The following PCDH9 variants were observed in gnomAD, a reference collection of about 807,000 sequenced individuals.
PCDH9 encodes protocadherin 9, also known as protocadherin-9.
Under a neutral mutation model 70.6 loss-of-function variants are expected in PCDH9, and 24 were observed. The observed-to-expected ratio is 0.34, with a 90% CI of 0.25 to 0.48. The LOEUF is 0.48. Among genes scored for constraint, PCDH9 ranks in the 20% least tolerant of loss-of-function variants. PCDH9 has a pLI of 0.99. For missense variants in PCDH9, 1,281 were observed against 1,503.6 expected (o/e 0.85, Z 2.45); for synonymous variants, 562 against 558.5 (o/e 1.01, Z -0.09).
At chr13:67,180,555 T>A (rs2138480485) in intron 2 of PCDH9, among the ~76,000 whole-genome samples, 1 of 152,244 alleles carries the variant, frequency 6.6e-6, no homozygotes. Context: ...TCACTTTTTG[T>A]TATTGATTTT....
intron 4 of PCDH9, among the ~76,000 whole-genome samples, chr13:66,390,412 A>G (rs1956997126): frequency 6.6e-6 from 1 of 152,136 alleles, no homozygotes; most frequent in Non-Finnish European, 1.5e-5. Context: ...CGACAGCCAT[A>G]AATGGATAGG....
At chr13:66,589,062 G>C (rs904507793) in intron 4 of PCDH9, among the ~76,000 whole-genome samples, 4 of 151,912 alleles carry the variant, frequency 2.6e-5, no homozygotes, top group Non-Finnish European at 4.4e-5. Context: ...TGTTGCTTTA[G>C]TCGTTGGTTA....
intron 4 of PCDH9, among the ~76,000 whole-genome samples, chr13:66,448,523 G>C (rs886341718): frequency 3.3e-5 from 5 of 152,272 alleles, no homozygotes; most frequent in Admixed American, 2.0e-4. Context: ...TATGAGGACA[G>C]GTCAAAATCT....
intron 2 of PCDH9, among the ~76,000 whole-genome samples, chr13:66,931,701 G>A (rs1159626189): frequency 6.6e-6 from 1 of 152,170 alleles, no homozygotes; most frequent in African/African-American, 2.4e-5. Context: ...TTTATCCGTA[G>A]GTTGCCTGTG....
intron 4 of PCDH9, among the ~76,000 whole-genome samples, chr13:66,563,074 T>C (rs2076600167): frequency 6.6e-6 from 1 of 152,190 alleles, no homozygotes; most frequent in African/African-American, 2.4e-5. Context: ...TGGGTTTTGC[T>C]GGACACCATT....
intron 4 of PCDH9, among the ~76,000 whole-genome samples, chr13:66,467,851 C>A (rs551674127): frequency 6.6e-6 from 1 of 152,020 alleles, no homozygotes; most frequent in South Asian, 2.1e-4. Context: ...TTTTTATTTT[C>A]TATTCACTTA....
At chr13:66,722,155 C>T (rs976426597) in intron 3 of PCDH9, among the ~76,000 whole-genome samples, 2 of 152,088 alleles carry the variant, frequency 1.3e-5, no homozygotes, top group African/African-American at 4.8e-5. Flanking sequence ...TGTGAATGGC[C>T]TCATAATATT....
At chr13:66,730,848 T>A in intron 3 of PCDH9, among the ~76,000 whole-genome samples, 1 of 112,248 alleles carries the variant, frequency 8.9e-6, no homozygotes, top group East Asian at 3.3e-4. Flanking sequence ...CTGGCTGTTT[T>A]TTTGTTTTTG....
intron 2 of PCDH9, among the ~76,000 whole-genome samples, chr13:67,098,472 G>T (rs2086366664): frequency 6.6e-6 from 1 of 152,074 alleles, no homozygotes; most frequent in African/African-American, 2.4e-5. Context: ...CTGAAATTGT[G>T]TCACTTTCCT....
chr13:66,663,081 T>C (rs1400702599), intron 3 of PCDH9, among the ~76,000 whole-genome samples: 2 of 152,192 alleles, frequency 1.3e-5, no homozygotes, highest in Non-Finnish European at 2.9e-5. Flanking sequence ...ATCTTAACAC[T>C]ACAGCTTAAA....
At chr13:66,982,730 A>T (rs1291919661) in intron 2 of PCDH9, among the ~76,000 whole-genome samples, 2 of 152,182 alleles carry the variant, frequency 1.3e-5, no homozygotes, top group Non-Finnish European at 2.9e-5. Flanking sequence ...GTGACTCCAC[A>T]TTCTTTAATC....
intron 3 of PCDH9, among the ~76,000 whole-genome samples, chr13:66,668,420 C>T (rs573083848): frequency 1.3e-5 from 2 of 152,240 alleles, no homozygotes; most frequent in East Asian, 3.9e-4. Context: ...TCATCAATGT[C>T]ACATCTTTGA....
intron 4 of PCDH9, among the ~76,000 whole-genome samples, chr13:66,512,630 G>T (rs151070252): frequency 4.6e-5 from 7 of 151,962 alleles, no homozygotes; most frequent in African/African-American, 1.7e-4. Flanking sequence ...ATATTATTTC[G>T]AGAAGTAAAA....
intron 4 of PCDH9, among the ~76,000 whole-genome samples, chr13:66,530,430 G>A (rs943878182): frequency 2.6e-5 from 4 of 151,938 alleles, no homozygotes; most frequent in Non-Finnish European, 5.9e-5. Flanking sequence ...TATGTCCATA[G>A]TTATACCTTT....
intron 2 of PCDH9, chr13:66,996,404 T>C (rs766536634): frequency 1.3e-5 from 2 of 152,038 alleles, no homozygotes; most frequent in Non-Finnish European, 2.9e-5. Context: ...TTCTTCATGC[T>C]GGGAATGAGT....
At chr13:66,921,630 G>A (rs1439627400) in intron 2 of PCDH9, among the ~76,000 whole-genome samples, 2 of 151,202 alleles carry the variant, frequency 1.3e-5, no homozygotes, top group Non-Finnish European at 3.0e-5. Flanking sequence ...CAGGAGAAAA[G>A]CACATATTCA....
chr13:67,097,004 T>C (rs905942428), intron 2 of PCDH9, among the ~76,000 whole-genome samples: 2 of 152,026 alleles, frequency 1.3e-5, no homozygotes, highest in African/African-American at 4.8e-5. Context: ...ATCCAGCGCT[T>C]TGGGAGGCCA....
rs75196510 is a variant in PCDH9 at position 66,643,887 on chromosome 13, G to A, written c.3139-12476C>T. On this transcript the variant is annotated intron_variant, in intron 3 of 4. Coordinates refer to ENST00000377865, the MANE Select transcript of PCDH9 (RefSeq NM_203487.3). The stretch of plus-strand genomic sequence containing the variant: ...CCTTCTAATTTTTGTCTAGGGCAGA[G>A]AGGGAAAGATAGTTTCCAAATAAAA... 1.3e-3 allele frequency among the ~76,000 whole-genome samples: 202 copies of A among 152,122 alleles called. 1 individual carries two copies. The highest frequency in any genetic ancestry group is 4.6e-3 in the African/African-American group (193 of 41,562).
chr13:66,692,671 G>T (rs1278099394), intron 3 of PCDH9, among the ~76,000 whole-genome samples: 1 of 151,640 alleles, frequency 6.6e-6, no homozygotes, highest in East Asian at 1.9e-4. Flanking sequence ...TCTTAATTAT[G>T]GTATAACAAC....
Sources: allele counts gnomAD v4.1 joint callset (sites outside exome capture counted in the v4.1 genomes callset), GRCh38; gene constraint gnomAD v4.1.1; transcripts MANE v1.5; gene names NCBI Gene and HGNC (gene_info 2026-07-23, HGNC 2026-07-21).